Variants in FHIT observed in about 807,000 individuals in gnomAD.
FHIT encodes fragile histidine triad diadenosine triphosphatase, also known as bis(5'-adenosyl)-triphosphatase.
In FHIT, 19 loss-of-function variants were observed where a neutral mutation model predicts 17.9. The ratio of observed to expected loss-of-function variants is 1.06; its 90% confidence interval spans 0.74 to 1.56. The LOEUF (loss-of-function observed/expected upper bound fraction) is 1.56, where lower values mean the gene tolerates loss of function less well. Among genes scored for constraint, FHIT ranks in the 40% most tolerant of loss-of-function variants. The probability of loss-of-function intolerance (pLI) is 0.00; values close to 1 mark genes in which losing one functional copy is unlikely to be tolerated. For synonymous variants in FHIT, 81 were observed against 69.7 expected, an observed-to-expected ratio of 1.16 and a Z score of -0.81; for missense variants, 248 against 189.2, an observed-to-expected ratio of 1.31 and a Z score of -1.82.
intron 5 of FHIT, among the ~76,000 whole-genome samples, chr3:60,027,108 G>GACACACACACACACACACAC (rs754046097): frequency 3.4e-5 from 3 of 88,050 alleles, no homozygotes; most frequent in Non-Finnish European, 6.9e-5. Context: ...TTCACACACA[G>GACACACACACACACACACAC]ACACACACAC....
chr3:60,895,591 A>G (rs1705749232), intron 3 of FHIT, among the ~76,000 whole-genome samples: 1 of 152,036 alleles, frequency 6.6e-6, no homozygotes, highest in Non-Finnish European at 1.5e-5. Context: ...TTTCACAGCA[A>G]TTAGTTGGTT....
chr3:59,999,564 C>T (rs1248432935), intron 7 of FHIT, among the ~76,000 whole-genome samples: 2 of 152,076 alleles, frequency 1.3e-5, no homozygotes, highest in Admixed American at 6.6e-5. Flanking sequence ...TCTAGTGGAA[C>T]GTGTCTTCTG....
chr3:59,928,583 T>A (rs1705788465), intron 7 of FHIT, among the ~76,000 whole-genome samples: 1 of 152,208 alleles, frequency 6.6e-6, no homozygotes, highest in Admixed American at 6.5e-5. Context: ...GGGCAAAGGA[T>A]ATGAATAGAC....
chr3:61,181,078 G>T lies in FHIT; in HGVS notation c.-164+19539C>A, dbSNP rs144728548. ...CAAATACAAGGAAAGTAAACATAAT[G>T]AAGTTAAAGTAATATTCTTAGCTTG... On this transcript the variant is annotated intron_variant, in intron 2 of 9. Coordinates refer to ENST00000492590, the MANE Select transcript of FHIT (RefSeq NM_002012.4). Among the ~76,000 whole-genome samples the T allele has an allele frequency of 1.1e-4, 16 of 152,262 alleles. No individual in the cohort carries two copies. The East Asian group carries it at 2.5e-3, about 24-fold the overall frequency.
chr3:60,811,167 G>A (rs1361038471), intron 4 of FHIT, among the ~76,000 whole-genome samples: 1 of 152,170 alleles, frequency 6.6e-6, no homozygotes, highest in African/African-American at 2.4e-5. Flanking sequence ...GAAATTCAGA[G>A]TATGGGGTTT....
intron 5 of FHIT, among the ~76,000 whole-genome samples, chr3:60,032,870 CAGCCACCTAT>C (rs763107065): frequency 9.2e-5 from 14 of 152,160 alleles, no homozygotes; most frequent in Non-Finnish European, 1.6e-4. Flanking sequence ...AGTGTATAAT[CAGCCACCTAT>C]AGCTAGCATC....
chr3:60,952,399 C>T (rs1466584944), intron 3 of FHIT, among the ~76,000 whole-genome samples: 4 of 152,102 alleles, frequency 2.6e-5, no homozygotes, highest in Non-Finnish European at 5.9e-5. Flanking sequence ...TCTGTGTAGT[C>T]ACAATCAAAG....
chr3:60,700,571 G>A (rs999569387), intron 4 of FHIT, among the ~76,000 whole-genome samples: 8 of 151,862 alleles, frequency 5.3e-5, no homozygotes, highest in African/African-American at 1.9e-4. Context: ...TAAAAATGCA[G>A]CCATCTTTAA....
chr3:60,595,728 C>A (rs1553666161), intron 4 of FHIT, among the ~76,000 whole-genome samples: 1 of 151,964 alleles, frequency 6.6e-6, no homozygotes. Flanking sequence ...ACTGAAGCCT[C>A]AAACTCCTGG....
At chr3:60,657,255 T>C (rs1553689834) in intron 4 of FHIT, among the ~76,000 whole-genome samples, 1 of 152,162 alleles carries the variant, frequency 6.6e-6, no homozygotes, top group Admixed American at 6.6e-5. Flanking sequence ...ATTTCTTTGA[T>C]GTCTCAGCAA....
At chr3:59,842,326 C>T (rs78719675) in intron 8 of FHIT, among the ~76,000 whole-genome samples, 2,701 of 152,262 alleles carry the variant, frequency 0.018, 33 homozygotes, top group African/African-American at 0.023. Context: ...TACTGAGTTG[C>T]TTCTACTTCT....
At chr3:60,012,894 C>G (rs561957251) in intron 6 of FHIT, among the ~76,000 whole-genome samples, 2 of 152,214 alleles carry the variant, frequency 1.3e-5, no homozygotes, top group South Asian at 4.2e-4. Flanking sequence ...ATTCTTGTAT[C>G]TCACTAAACA....
chr3:60,892,527 T>C (rs577499879), intron 3 of FHIT, among the ~76,000 whole-genome samples: 1 of 152,326 alleles, frequency 6.6e-6, no homozygotes, highest in Non-Finnish European at 1.5e-5. Flanking sequence ...TAGACGTCTA[T>C]AACTCCTGCT....
At chr3:60,499,907 A>G (rs35486781) in intron 5 of FHIT, among the ~76,000 whole-genome samples, 18,001 of 152,102 alleles carry the variant, frequency 0.12, 1,147 homozygotes, top group South Asian at 0.21. Context: ...TTTATTCAGA[A>G]TAGAAAATCA....
At chr3:60,827,096 G>C (rs1281822322) in intron 3 of FHIT, among the ~76,000 whole-genome samples, 1 of 152,144 alleles carries the variant, frequency 6.6e-6, no homozygotes, top group Non-Finnish European at 1.5e-5. Context: ...AGCCAAGGAG[G>C]TCATTCTTGA....
chr3:60,740,361 T>C (rs2042217400), intron 4 of FHIT, among the ~76,000 whole-genome samples: 1 of 152,156 alleles, frequency 6.6e-6, no homozygotes, highest in Admixed American at 6.5e-5. Flanking sequence ...AATCCTTCTC[T>C]ATGAAAAGGA....
At chr3:60,758,715 C>A (rs1553718919) in intron 4 of FHIT, among the ~76,000 whole-genome samples, 1 of 152,168 alleles carries the variant, frequency 6.6e-6, no homozygotes, top group Non-Finnish European at 1.5e-5. Flanking sequence ...TTATTGAGTG[C>A]CTACTACTTG....
chr3:59,974,563 G>T (rs1708327973), intron 7 of FHIT, among the ~76,000 whole-genome samples: 1 of 152,036 alleles, frequency 6.6e-6, no homozygotes, highest in South Asian at 2.1e-4. Flanking sequence ...GCTTAATACT[G>T]TGACATTTAA....
chr3:60,197,303 T>C (rs1410504866), intron 5 of FHIT, among the ~76,000 whole-genome samples: 4 of 150,738 alleles, frequency 2.7e-5, no homozygotes, highest in East Asian at 3.9e-4. Flanking sequence ...TTCATAGCAT[T>C]AAAAAAAAAG....
Sources: gnomAD v4.1 joint callset for allele counts (sites outside exome capture counted in the v4.1 genomes callset) on GRCh38, gnomAD v4.1.1 for gene constraint, MANE v1.5 for transcripts, NCBI Gene and HGNC (gene_info 2026-07-23, HGNC 2026-07-21) for gene names.